Variants in PLCZ1 observed in about 807,000 individuals in gnomAD.
PLCZ1 encodes phospholipase C zeta 1, also known as 1-phosphatidylinositol 4,5-bisphosphate phosphodiesterase zeta-1.
PLCZ1 carries 64 observed loss-of-function variants against 76.8 expected under a neutral mutation model. That is an observed-to-expected ratio of 0.83 (90% CI 0.68 to 1.03). PLCZ1 has a LOEUF of 1.03. Among genes scored for constraint, PLCZ1 ranks in the 50% least tolerant of loss-of-function variants. The probability of loss-of-function intolerance (pLI) is 0.00; values close to 1 mark genes in which losing one functional copy is unlikely to be tolerated. For missense variants in PLCZ1, 751 were observed against 713.7 expected (o/e 1.05, Z -0.60); for synonymous variants, 248 against 230.8 (o/e 1.07, Z -0.68).
the PLCZ1 span, among the ~76,000 whole-genome samples, chr12:18,652,426 A>T: frequency 6.6e-6 from 1 of 152,172 alleles, no homozygotes; most frequent in African/African-American, 2.4e-5. Context: ...CAAAAGAGGC[A>T]TGGCAGAGAT....
intron 3 of PLCZ1, among the ~76,000 whole-genome samples, chr12:18,730,713 A>G (rs943848928): frequency 8.5e-5 from 13 of 152,142 alleles, no homozygotes; most frequent in African/African-American, 3.1e-4. Flanking sequence ...TAAATATGAC[A>G]TGTATTTTAC....
intron 2 of PLCZ1, 108 bp from the exon 3 acceptor site, chr12:18,736,452 G>A (rs11044276): frequency 1.6e-6 from 2 of 1,286,656 alleles, no homozygotes; most frequent in East Asian, 2.6e-5. Context: ...TAAAGAATAT[G>A]TTTAAAGTAA....
Position 18,694,923 on chromosome 12 carries a change from G to A in PLCZ1, c.1448C>T (p.Thr483Ile). The change falls in exon 12 of 15, where the codon ACA becomes ATA. Residue 483 changes from threonine (T) to isoleucine (I), a missense_variant. Transcript: ENST00000266505. ...TATTAATCTTACCCTTATTGTAAGT[G>A]TAATTGGCATACCCTCTTTTATGTT... The part of the protein sequence containing the change: ...PSNIKEGMPI[T>I]LTIRLISGIQ... 1.9e-6 allele frequency: 3 copies of A among 1,595,278 alleles called. No homozygotes were observed. The highest frequency in any genetic ancestry group is 1.3e-5 in the African/African-American group (1 of 74,474).
chr12:18,688,015 C>CT, intron 13 of PLCZ1, 74 bp downstream of exon 13: 1 of 1,569,060 alleles, frequency 6.4e-7, no homozygotes, highest in Non-Finnish European at 8.7e-7. Flanking sequence ...TACAAAAACT[C>CT]TATCAACATA....
chr12:18,715,226 C>G (rs923425169), intron 5 of PLCZ1, among the ~76,000 whole-genome samples: 1 of 109,118 alleles, frequency 9.2e-6, no homozygotes, highest in Non-Finnish European at 1.7e-5. Flanking sequence ...AGAGAGAGAC[C>G]TTATATACCC....
intron 10 of PLCZ1, among the ~76,000 whole-genome samples, chr12:18,698,981 G>A (rs556744813): frequency 6.6e-6 from 1 of 152,124 alleles, no homozygotes; most frequent in Admixed American, 6.6e-5. Context: ...TGGCTCTTAA[G>A]TTAGTTGCTC....
chr12:18,672,306 T>C, the PLCZ1 span, among the ~76,000 whole-genome samples: 1 of 152,272 alleles, frequency 6.6e-6, no homozygotes, highest in Admixed American at 6.5e-5. Flanking sequence ...TCAGTCGTCA[T>C]TGCTCATCTA....
Position 18,719,464 on chromosome 12 carries a change from A to G in PLCZ1, c.536T>C (p.Leu179Ser). The G allele has an allele frequency of 6.4e-7, 1 of 1,558,470 alleles. No individual in the cohort carries two copies. Among genetic ancestry groups the G allele is most frequent in the Non-Finnish European group, 8.7e-7 (1 of 1,147,282 alleles). The change falls in exon 5 of 15, where the codon TTA (leucine) becomes TCA (serine). Residue 179 changes from leucine to serine, a missense_variant. Transcript: ENST00000266505. ...SHNTYLVSDQ[L>S]LGPSDLWGYV... ...TCCCCAAAGGTCACTTGGTCCCAAT[A>G]ATTGATCAGATACCAAATATGTGTT...
At chr12:18,676,007 A>AT in the PLCZ1 span, among the ~76,000 whole-genome samples, 8 of 122,250 alleles carry the variant, frequency 6.5e-5, no homozygotes, top group South Asian at 3.4e-4. Flanking sequence ...TTCTGAATCT[A>AT]TTTAAAAAAA....
At chr12:18,685,490 A>G (rs1008849976) in intron 13 of PLCZ1, 1 of 218,188 alleles carries the variant, frequency 4.6e-6, no homozygotes, top group Non-Finnish European at 1.0e-5. Flanking sequence ...TTTGACTTAC[A>G]TTTCCAGAAG....
intron 3 of PLCZ1, among the ~76,000 whole-genome samples, chr12:18,733,517 G>A (rs1959164243): frequency 6.6e-6 from 1 of 151,878 alleles, no homozygotes; most frequent in Non-Finnish European, 1.5e-5. Flanking sequence ...AATCCCTTTG[G>A]AATCATATCT....
At chr12:18,647,770 G>A in the PLCZ1 span, 5 of 513,044 alleles carry the variant, frequency 9.7e-6, no homozygotes, top group South Asian at 1.7e-4. Flanking sequence ...TCTATTCCAG[G>A]GTATAAGATA....
At chr12:18,668,165 A>G in the PLCZ1 span, among the ~76,000 whole-genome samples, 1 of 152,166 alleles carries the variant, frequency 6.6e-6, no homozygotes, top group Non-Finnish European at 1.5e-5. Flanking sequence ...CAGGTAGTGA[A>G]ATTTAAAAAG....
chr12:18,713,209 G>A (rs574007797), intron 5 of PLCZ1, among the ~76,000 whole-genome samples: 25 of 151,986 alleles, frequency 1.6e-4, no homozygotes, highest in African/African-American at 4.1e-4. Context: ...TGTCTTTCTC[G>A]CTAGTCAAAT....
At chr12:18,714,649 A>T (rs1292491885) in intron 5 of PLCZ1, 1 of 152,174 alleles carries the variant, frequency 6.6e-6, no homozygotes, top group Non-Finnish European at 1.5e-5. Flanking sequence ...TAAGTACATT[A>T]AATTACCCCA....
chr12:18,717,066 GA>G (rs1958067573), intron 5 of PLCZ1, among the ~76,000 whole-genome samples: 1 of 152,034 alleles, frequency 6.6e-6, no homozygotes, highest in Non-Finnish European at 1.5e-5. Flanking sequence ...AAAATATTTT[GA>G]AAGACTTTCA....
At chr12:18,662,328 T>C in the PLCZ1 span, among the ~76,000 whole-genome samples, 1 of 151,988 alleles carries the variant, frequency 6.6e-6, no homozygotes, top group South Asian at 2.1e-4. Context: ...TTAAGTACAA[T>C]TTTTAAAAAA....
intron 10 of PLCZ1, among the ~76,000 whole-genome samples, chr12:18,697,023 T>C (rs1955162289): frequency 6.6e-6 from 1 of 152,174 alleles, no homozygotes; most frequent in South Asian, 2.1e-4. Flanking sequence ...TTAAGTCACT[T>C]GAGATTCAAA....
chr12:18,711,252 G>A (rs999654264), intron 6 of PLCZ1, among the ~76,000 whole-genome samples: 6 of 151,238 alleles, frequency 4.0e-5, no homozygotes, highest in African/African-American at 1.2e-4. Context: ...GATGAAACTG[G>A]AAACCATCAT....
Sources: allele counts gnomAD v4.1 joint callset (sites outside exome capture counted in the v4.1 genomes callset), GRCh38; gene constraint gnomAD v4.1.1; transcripts MANE v1.5; gene names NCBI Gene and HGNC (gene_info 2026-07-23, HGNC 2026-07-21).